Variants in GALNTL6 observed in about 807,000 individuals in gnomAD.
GALNTL6 encodes the protein polypeptide N-acetylgalactosaminyltransferase-like 6.
A neutral mutation model predicts 73.7 loss-of-function variants in GALNTL6; 46 were observed. The ratio of observed to expected loss-of-function variants is 0.62; its 90% CI spans 0.49 to 0.80. GALNTL6 has a LOEUF of 0.80. Among genes scored for constraint, GALNTL6 ranks in the 30% least tolerant of loss-of-function variants. The pLI is 0.00. For missense variants in GALNTL6, 604 were observed against 755.0 expected (o/e 0.80, Z 2.34); for synonymous variants, 259 against 263.7 (o/e 0.98, Z 0.17).
chr4:171,864,054 A>G (rs6854289), intron 2 of GALNTL6, among the ~76,000 whole-genome samples: 112,794 of 152,116 alleles, frequency 0.74, 41,898 homozygotes, highest in South Asian at 0.84. Flanking sequence ...GAGCCATGGC[A>G]CCCAGAAGGA....
intron 2 of GALNTL6, among the ~76,000 whole-genome samples, chr4:171,838,581 G>A (rs1223114340): frequency 6.6e-6 from 1 of 151,938 alleles, no homozygotes; most frequent in Admixed American, 6.6e-5. Flanking sequence ...GTACTTCTTT[G>A]CAGCAAAATC....
intron 11 of GALNTL6, among the ~76,000 whole-genome samples, chr4:173,018,528 G>A (rs1752869857): frequency 6.6e-6 from 1 of 152,164 alleles, no homozygotes; most frequent in African/African-American, 2.4e-5. Context: ...TGTCTAGGGA[G>A]GGATAGAGAA....
chr4:172,184,481 G>A (rs187304976), intron 2 of GALNTL6, among the ~76,000 whole-genome samples: 5 of 152,294 alleles, frequency 3.3e-5, no homozygotes, highest in African/African-American at 1.2e-4. Flanking sequence ...TATTTTGAAA[G>A]TAGAGTAAAA....
At chr4:172,805,868 C>T (rs1417605437) in intron 5 of GALNTL6, among the ~76,000 whole-genome samples, 6 of 151,822 alleles carry the variant, frequency 4.0e-5, no homozygotes, top group Non-Finnish European at 7.4e-5. Flanking sequence ...ATAGATGGGG[C>T]GCAACTGACC....
At chr4:172,919,940 A>T (rs1020648679) in intron 8 of GALNTL6, among the ~76,000 whole-genome samples, 1 of 152,174 alleles carries the variant, frequency 6.6e-6, no homozygotes, top group Non-Finnish European at 1.5e-5. Flanking sequence ...AAGACTGCTT[A>T]ATGTTACTGT....
intron 4 of GALNTL6, among the ~76,000 whole-genome samples, chr4:172,345,725 T>C (rs1463974378): frequency 6.6e-6 from 1 of 152,134 alleles, no homozygotes; most frequent in Non-Finnish European, 1.5e-5. Flanking sequence ...GAAACAAAAA[T>C]TTGACTATAA....
chr4:172,336,666 T>C (rs1376361799), intron 4 of GALNTL6, among the ~76,000 whole-genome samples: 5 of 152,182 alleles, frequency 3.3e-5, no homozygotes, highest in African/African-American at 1.2e-4. Flanking sequence ...TGGCAATGCA[T>C]GTGGCCAGTC....
At chr4:172,831,905 C>T (rs1036818413) in intron 7 of GALNTL6, among the ~76,000 whole-genome samples, 2 of 152,160 alleles carry the variant, frequency 1.3e-5, no homozygotes, top group African/African-American at 4.8e-5. Flanking sequence ...GTCCCCAGAA[C>T]CGGACTGTGC....
intron 5 of GALNTL6, among the ~76,000 whole-genome samples, chr4:172,723,410 G>T (rs1735602777): frequency 6.6e-6 from 1 of 152,126 alleles, no homozygotes; most frequent in African/African-American, 2.4e-5. Context: ...AACCTCATGG[G>T]TTTCCATTTC....
At chr4:172,225,547 GTT>G (rs1330955467) in intron 2 of GALNTL6, among the ~76,000 whole-genome samples, 1 of 151,764 alleles carries the variant, frequency 6.6e-6, no homozygotes, top group Non-Finnish European at 1.5e-5. Context: ...TCTCTGTTAA[GTT>G]TCTGATTTAC....
At chr4:171,816,212 T>C (rs1734520333) in intron 2 of GALNTL6, 1 of 152,108 alleles carries the variant, frequency 6.6e-6, no homozygotes. Flanking sequence ...TTCTTGAAAT[T>C]TGCTAATTCA....
Position 171,815,006 on chromosome 4 carries a change from T to C in GALNTL6, c.138+288T>C, listed in dbSNP as rs938753363. The C allele has an allele frequency of 9.7e-6, 5 of 517,198 alleles. No individual in the cohort carries two copies. The Admixed American group carries it at 1.0e-4, about 11-fold the overall frequency. 32.0% of individuals were successfully genotyped at this position (517,198 alleles called of 1,614,324 possible). On this transcript the variant is annotated intron_variant, in intron 2 of 12. Transcript: ENST00000506823. ...TAGGTTGATTTTGACTTGAGGTGGATGAAAGGTAACTGTTCAGCTATGGAG... is the reference window on the plus strand; with the variant it reads ...TAGGTTGATTTTGACTTGAGGTGGACGAAAGGTAACTGTTCAGCTATGGAG...
At chr4:172,948,884 C>T (rs565901297) in intron 9 of GALNTL6, among the ~76,000 whole-genome samples, 1 of 152,214 alleles carries the variant, frequency 6.6e-6, no homozygotes, top group East Asian at 1.9e-4. Flanking sequence ...CCTACTTGAC[C>T]CTTGGTGACA....
intron 10 of GALNTL6, among the ~76,000 whole-genome samples, chr4:172,970,736 C>T (rs1268900017): frequency 1.3e-5 from 2 of 151,996 alleles, no homozygotes; most frequent in Non-Finnish European, 2.9e-5. Context: ...ACATTCTCAG[C>T]TTACAAAGAT....
At chr4:172,251,629 A>G (rs1228246204) in intron 3 of GALNTL6, among the ~76,000 whole-genome samples, 1 of 152,202 alleles carries the variant, frequency 6.6e-6, no homozygotes, top group African/African-American at 2.4e-5. Flanking sequence ...CTGATATCCA[A>G]TAAGTGACAA....
At chr4:172,313,121 C>T (rs1412031401) in intron 4 of GALNTL6, among the ~76,000 whole-genome samples, 1 of 140,826 alleles carries the variant, frequency 7.1e-6, no homozygotes, top group Non-Finnish European at 1.5e-5. Context: ...TTCCCCCCCC[C>T]ACCCCCACAC....
At chr4:172,226,579 GTC>G (rs1736874798) in intron 2 of GALNTL6, among the ~76,000 whole-genome samples, 1 of 70,226 alleles carries the variant, frequency 1.4e-5, no homozygotes, top group South Asian at 5.7e-4. Flanking sequence ...GTGTGTGTGT[GTC>G]TGTGTGTCTG....
chr4:172,463,745 A>C (rs1579095363), intron 5 of GALNTL6, among the ~76,000 whole-genome samples: 1 of 152,226 alleles, frequency 6.6e-6, no homozygotes, highest in Non-Finnish European at 1.5e-5. Flanking sequence ...TAATTTAGTC[A>C]ATGAAATTAG....
intron 2 of GALNTL6, among the ~76,000 whole-genome samples, chr4:171,992,958 C>CGAGTTAACTAAGGACAACGGAGCTGTG (rs1194175706): frequency 6.6e-6 from 1 of 151,956 alleles, no homozygotes; most frequent in Admixed American, 6.6e-5. Context: ...TTTTTCCAAG[C>CGAGTTAACTAAGGACAACGGAGCTGTG]TCATGCTAAA....
Sources: gnomAD v4.1 joint callset for allele counts (sites outside exome capture counted in the v4.1 genomes callset) on GRCh38, gnomAD v4.1.1 for gene constraint, MANE v1.5 for transcripts, NCBI Gene and HGNC (gene_info 2026-07-23, HGNC 2026-07-21) for gene names.